Variants in CTNNA2 observed in about 807,000 individuals in gnomAD.
CTNNA2 encodes catenin alpha 2.
CTNNA2 carries 42 observed loss-of-function variants against 101.0 expected under a neutral mutation model. The observed-to-expected ratio is 0.42, with a 90% confidence interval of 0.32 to 0.54. The LOEUF is 0.54. CTNNA2 is among the 20% of genes least tolerant of loss of function. The probability of loss-of-function intolerance (pLI) is 0.14; values close to 1 mark genes in which losing one functional copy is unlikely to be tolerated. For missense variants in CTNNA2, 871 were observed against 1,223.1 expected (o/e 0.71, Z 4.29); for synonymous variants, 450 against 456.4 (o/e 0.99, Z 0.18).
chr2:79,765,334 C>CTTT (rs1006421085), intron 3 of CTNNA2, among the ~76,000 whole-genome samples: 1 of 152,038 alleles, frequency 6.6e-6, no homozygotes, highest in Non-Finnish European at 1.5e-5. Context: ...CTAGTACTTT[C>CTTT]TTTTTTTCTA....
intron 7 of CTNNA2, among the ~76,000 whole-genome samples, chr2:80,219,807 C>G (rs1305320402): frequency 6.6e-6 from 1 of 152,168 alleles, no homozygotes; most frequent in East Asian, 1.9e-4. Flanking sequence ...AATTAGCACT[C>G]TTTTTGTTAA....
At chr2:80,285,460 A>G (rs1674683175) in intron 7 of CTNNA2, among the ~76,000 whole-genome samples, 1 of 152,174 alleles carries the variant, frequency 6.6e-6, no homozygotes, top group African/African-American at 2.4e-5. Flanking sequence ...ACACTTTAAG[A>G]TCAAGCCTGG....
At chr2:80,003,048 C>G (rs2103970826) in intron 7 of CTNNA2, among the ~76,000 whole-genome samples, 1 of 152,218 alleles carries the variant, frequency 6.6e-6, no homozygotes, top group Non-Finnish European at 1.5e-5. Context: ...TTTTAAAAGC[C>G]TTACCTGGTG....
intron 5 of CTNNA2, among the ~76,000 whole-genome samples, chr2:79,507,352 G>A (rs996930254): frequency 1.3e-5 from 2 of 152,228 alleles, no homozygotes; most frequent in Middle Eastern, 3.4e-3. Flanking sequence ...GAGGTGTTTA[G>A]GTCATGAATG....
At chr2:79,345,628 C>A (rs189128799) in intron 3 of CTNNA2, among the ~76,000 whole-genome samples, 1 of 152,062 alleles carries the variant, frequency 6.6e-6, no homozygotes, top group African/African-American at 2.4e-5. Flanking sequence ...TTCTGAGGGG[C>A]CTTTAGAGAA....
intron 2 of CTNNA2, among the ~76,000 whole-genome samples, chr2:79,270,241 A>T (rs2104298265): frequency 6.6e-6 from 1 of 152,252 alleles, no homozygotes; most frequent in Non-Finnish European, 1.5e-5. Flanking sequence ...TAAAAAAAAT[A>T]TATGACAAAG....
At chr2:80,597,556 A>T (rs534637144) in intron 15 of CTNNA2, among the ~76,000 whole-genome samples, 1 of 152,304 alleles carries the variant, frequency 6.6e-6, no homozygotes, top group Non-Finnish European at 1.5e-5. Context: ...AATGGGATAA[A>T]TTTTTTATAA....
Position 79,858,136 on chromosome 2 carries a change from C to T in CTNNA2, c.422C>T (p.Ala141Val), listed in dbSNP as rs756543455. The T allele has an allele frequency of 4.3e-6, 7 of 1,613,768 alleles. No individual in the cohort carries two copies. The highest frequency in any genetic ancestry group is 2.2e-5 in the East Asian group (1 of 44,862). The stretch of plus-strand genomic sequence containing the variant: ...GCGGTGACACGCTTACTCATCCTGG[C>T]GGACATGGCAGATGTCATGAGACTT... ...LSAVTRLLILADMADVMRLLS... is the reference protein window; with the variant it reads ...LSAVTRLLILVDMADVMRLLS... The change falls in exon 4 of 19, where the codon GCG becomes GTG. Residue 141 changes from alanine to valine, a missense_variant. Physicochemically the swap from Ala to Val is moderately conservative, Grantham distance 64 (BLOSUM62 0). Transcript: ENST00000402739.
intron 7 of CTNNA2, among the ~76,000 whole-genome samples, chr2:79,970,506 A>C (rs1237786374): frequency 6.6e-6 from 1 of 152,138 alleles, no homozygotes; most frequent in Non-Finnish European, 1.5e-5. Context: ...CCCTGAATAG[A>C]CCACGGTGGC....
intron 1 of CTNNA2, among the ~76,000 whole-genome samples, chr2:79,630,306 G>T (rs1307760529): frequency 3.3e-5 from 5 of 152,146 alleles, no homozygotes; most frequent in African/African-American, 4.8e-5. Context: ...TCTTTTAATG[G>T]CACTGACGTC....
intron 7 of CTNNA2, among the ~76,000 whole-genome samples, chr2:79,915,551 A>G (rs989097952): frequency 2.0e-5 from 3 of 152,346 alleles, no homozygotes; most frequent in African/African-American, 7.2e-5. Context: ...CTTGGAAAAG[A>G]TAAGTAGGGA....
chr2:80,305,178 T>G (rs1046032394), intron 7 of CTNNA2: 6 of 985,234 alleles, frequency 6.1e-6, no homozygotes, highest in Admixed American at 1.2e-4. Context: ...CTAAGATTTT[T>G]GGGGTTTTTT....
chr2:80,388,589 T>C (rs932952323), intron 7 of CTNNA2, among the ~76,000 whole-genome samples: 9 of 152,294 alleles, frequency 5.9e-5, no homozygotes, highest in South Asian at 2.1e-4. Flanking sequence ...GATGATAAGG[T>C]TGGAGTCTAG....
chr2:80,361,723 A>G (rs1674423558), intron 7 of CTNNA2, among the ~76,000 whole-genome samples: 1 of 152,144 alleles, frequency 6.6e-6, no homozygotes, highest in African/African-American at 2.4e-5. Context: ...GTTGTTTATT[A>G]TGTGTGTCAC....
intron 7 of CTNNA2, among the ~76,000 whole-genome samples, chr2:80,316,373 A>G (rs1048563581): frequency 2.0e-5 from 3 of 152,240 alleles, no homozygotes; most frequent in Non-Finnish European, 2.9e-5. Context: ...GCATGTACTT[A>G]AACTGACCTT....
chr2:79,977,222 GCACACACACACA>G (rs72018840), intron 7 of CTNNA2, among the ~76,000 whole-genome samples: 1 of 144,740 alleles, frequency 6.9e-6, no homozygotes, highest in East Asian at 2.1e-4. Context: ...GCATATGCAT[GCACACACACACA>G]CACACACACA....
At chr2:80,425,841 T>C (rs1428716557) in intron 9 of CTNNA2, among the ~76,000 whole-genome samples, 1 of 152,106 alleles carries the variant, frequency 6.6e-6, no homozygotes, top group Non-Finnish European at 1.5e-5. Context: ...GCAAGGACAG[T>C]TTTAGTATAT....
At chr2:79,527,079 A>G (rs1219807120) in intron 1 of CTNNA2, among the ~76,000 whole-genome samples, 1 of 152,178 alleles carries the variant, frequency 6.6e-6, no homozygotes, top group African/African-American at 2.4e-5. Flanking sequence ...AACCCACAGA[A>G]TGGGAGAACA....
intron 7 of CTNNA2, among the ~76,000 whole-genome samples, chr2:79,997,373 G>T (rs2103937464): frequency 6.6e-6 from 1 of 150,962 alleles, no homozygotes; most frequent in South Asian, 2.1e-4. Flanking sequence ...AAAAAGAAAA[G>T]AAGAAAAAGA....
Sources: allele counts gnomAD v4.1 joint callset (sites outside exome capture counted in the v4.1 genomes callset), GRCh38; gene constraint gnomAD v4.1.1; transcripts MANE v1.5; gene names NCBI Gene and HGNC (gene_info 2026-07-23, HGNC 2026-07-21).